The following ERBB4 variants were observed in gnomAD, a reference collection of about 807,000 sequenced individuals.
ERBB4 encodes the protein erb-b2 receptor tyrosine kinase 4.
In ERBB4, 42 loss-of-function variants were observed where a neutral mutation model predicts 158.0. The ratio of observed to expected loss-of-function variants is 0.27; its 90% CI spans 0.21 to 0.34. The LOEUF (loss-of-function observed/expected upper bound fraction) is 0.34. Ranked by LOEUF, ERBB4 falls within the 10% of genes least tolerant of loss-of-function variation. The probability of loss-of-function intolerance (pLI) is 1.00; values close to 1 mark genes in which losing one functional copy is unlikely to be tolerated. For synonymous variants in ERBB4, 583 were observed against 558.7 expected, an observed-to-expected ratio of 1.04 and a Z score of -0.61; for missense variants, 1,333 against 1,624.1, an observed-to-expected ratio of 0.82 and a Z score of 3.08.
At chr2:212,431,324 A>C (rs1045352256) in intron 1 of ERBB4, among the ~76,000 whole-genome samples, 5 of 151,486 alleles carry the variant, frequency 3.3e-5, no homozygotes, top group Non-Finnish European at 5.9e-5. Context: ...AAAAAAAAAA[A>C]AAAAAACCTT....
intron 1 of ERBB4, among the ~76,000 whole-genome samples, chr2:212,230,513 AAAC>A (rs1464852294): frequency 6.6e-6 from 1 of 152,164 alleles, no homozygotes; most frequent in Non-Finnish European, 1.5e-5. Context: ...ACACCATCAC[AAAC>A]ATCATCAAGA....
intron 1 of ERBB4, among the ~76,000 whole-genome samples, chr2:212,488,358 A>C (rs183521346): frequency 6.6e-6 from 1 of 151,180 alleles, no homozygotes; most frequent in Non-Finnish European, 1.5e-5. Context: ...CTCTCACAAT[A>C]TGCTAAAAAT....
chr2:212,237,779 A>T (rs1017323310), intron 1 of ERBB4, among the ~76,000 whole-genome samples: 2 of 152,172 alleles, frequency 1.3e-5, no homozygotes, highest in Admixed American at 6.5e-5. Context: ...TCCTGCCCAG[A>T]GAGGAGGAAT....
chr2:211,541,082 C>T (rs1356669626), intron 20 of ERBB4, among the ~76,000 whole-genome samples: 2 of 151,810 alleles, frequency 1.3e-5, no homozygotes, highest in East Asian at 1.9e-4. Flanking sequence ...GTATCAATTG[C>T]CATTTCCTTT....
chr2:211,873,576 A>G (rs1392445426), intron 3 of ERBB4, among the ~76,000 whole-genome samples: 14 of 152,330 alleles, frequency 9.2e-5, no homozygotes, highest in African/African-American at 2.4e-4. Context: ...GTAGTGTTGT[A>G]TATGTTCTCC....
At chr2:211,575,112 T>G (rs958076948) in intron 19 of ERBB4, among the ~76,000 whole-genome samples, 1 of 152,226 alleles carries the variant, frequency 6.6e-6, no homozygotes, top group South Asian at 2.1e-4. Context: ...CCAGTTCACA[T>G]TGCATCCATA....
intron 1 of ERBB4, among the ~76,000 whole-genome samples, chr2:212,285,006 T>G (rs1233634080): frequency 2.6e-5 from 4 of 152,072 alleles, no homozygotes; most frequent in Non-Finnish European, 4.4e-5. Flanking sequence ...CAGGTTTCTC[T>G]TATAACCTTA....
At chr2:212,339,486 G>A (rs2088601683) in intron 1 of ERBB4, among the ~76,000 whole-genome samples, 1 of 152,108 alleles carries the variant, frequency 6.6e-6, no homozygotes, top group African/African-American at 2.4e-5. Flanking sequence ...CTAGGGTCAG[G>A]TTCAAGTGGT....
At chr2:212,222,827 C>T (rs1212496046) in intron 1 of ERBB4, among the ~76,000 whole-genome samples, 1 of 151,550 alleles carries the variant, frequency 6.6e-6, no homozygotes, top group African/African-American at 2.4e-5. Context: ...ACATACCAGA[C>T]TGTAATCTCC....
intron 20 of ERBB4, among the ~76,000 whole-genome samples, chr2:211,556,608 C>CT (rs1245845103): frequency 6.6e-6 from 1 of 152,032 alleles, no homozygotes; most frequent in East Asian, 1.9e-4. Flanking sequence ...GGTACATACT[C>CT]TAAAATCAAC....
intron 9 of ERBB4, among the ~76,000 whole-genome samples, chr2:211,709,259 A>ACG (rs1648569826): frequency 3.7e-5 from 5 of 134,228 alleles, no homozygotes; most frequent in African/African-American, 1.5e-4. Context: ...ATACACATAT[A>ACG]TATATATATA....
chr2:211,804,798 C>A (rs2076577842), intron 3 of ERBB4, among the ~76,000 whole-genome samples: 1 of 152,126 alleles, frequency 6.6e-6, no homozygotes, highest in South Asian at 2.1e-4. Flanking sequence ...TTGTAGCCTT[C>A]CTTCTTTAAC....
chr2:211,701,411 A>G (rs1242862177), intron 12 of ERBB4, among the ~76,000 whole-genome samples: 2 of 152,158 alleles, frequency 1.3e-5, no homozygotes, highest in Non-Finnish European at 2.9e-5. Flanking sequence ...GTAAATGCCC[A>G]GGTCTTACTT....
At chr2:211,867,561 T>C (rs186532746) in intron 3 of ERBB4, among the ~76,000 whole-genome samples, 203 of 152,228 alleles carry the variant, frequency 1.3e-3, no homozygotes, top group African/African-American at 4.7e-3. Context: ...ACATAAAACA[T>C]GTAGATATAT....
At chr2:211,641,885 A>G (rs1442198580) in intron 16 of ERBB4, among the ~76,000 whole-genome samples, 2 of 151,738 alleles carry the variant, frequency 1.3e-5, no homozygotes, top group East Asian at 3.9e-4. Context: ...ATTCTTTTCT[A>G]TTTCAAAGTA....
At chr2:211,986,155 C>T (rs2081931253) in intron 2 of ERBB4, among the ~76,000 whole-genome samples, 1 of 152,132 alleles carries the variant, frequency 6.6e-6, no homozygotes, top group Non-Finnish European at 1.5e-5. Flanking sequence ...TCACAGAAGT[C>T]AGGAGAAAGA....
intron 4 of ERBB4, among the ~76,000 whole-genome samples, chr2:211,781,704 T>G (rs2076042655): frequency 6.6e-6 from 1 of 152,214 alleles, no homozygotes; most frequent in East Asian, 1.9e-4. Context: ...TTTATTCTTT[T>G]GTCATAAGAA....
At chr2:211,464,661 C>T (rs2064627975) in intron 20 of ERBB4, among the ~76,000 whole-genome samples, 1 of 152,004 alleles carries the variant, frequency 6.6e-6, no homozygotes. Flanking sequence ...AAAAGCTTCT[C>T]CCACCCTATA....
chr2:211,993,578 T>A (rs578156523), intron 2 of ERBB4, among the ~76,000 whole-genome samples: 5 of 142,256 alleles, frequency 3.5e-5, no homozygotes, highest in African/African-American at 1.3e-4. Context: ...CAAATTGCTA[T>A]TTTTTTTTTC....
Sources: gnomAD v4.1 joint callset for allele counts (sites outside exome capture counted in the v4.1 genomes callset) on GRCh38, gnomAD v4.1.1 for gene constraint, MANE v1.5 for transcripts, NCBI Gene and HGNC (gene_info 2026-07-23, HGNC 2026-07-21) for gene names.